Variants in ANAPC10 observed in about 807,000 individuals in gnomAD.
The protein encoded by ANAPC10 is anaphase-promoting complex subunit 10.
A neutral mutation model predicts 22.0 loss-of-function variants in ANAPC10; 12 were observed. The ratio of observed to expected loss-of-function variants is 0.55; its 90% confidence interval spans 0.35 to 0.88. The LOEUF (loss-of-function observed/expected upper bound fraction) is 0.88, where lower values mean the gene tolerates loss of function less well. Among genes scored for constraint, ANAPC10 ranks in the 40% least tolerant of loss-of-function variants. The probability of loss-of-function intolerance (pLI) is 0.01; values close to 1 mark genes in which losing one functional copy is unlikely to be tolerated. For synonymous variants in ANAPC10, 65 were observed against 69.5 expected (o/e 0.94, Z 0.32); for missense variants, 188 against 220.9 (o/e 0.85, Z 0.94).
At chr4:145,079,879 C>T (rs1342905736) in intron 3 of ANAPC10, among the ~76,000 whole-genome samples, 2 of 152,058 alleles carry the variant, frequency 1.3e-5, no homozygotes, top group East Asian at 1.9e-4. Flanking sequence ...TTTGGGAGGC[C>T]GAGGCGGCTA....
At chr4:145,005,105 TTTTC>T (rs1447394768) in intron 4 of ANAPC10, among the ~76,000 whole-genome samples, 1 of 152,166 alleles carries the variant, frequency 6.6e-6, no homozygotes, top group Non-Finnish European at 1.5e-5. Flanking sequence ...TTCTTTTTCC[TTTTC>T]TTTTTTTGAA....
At chr4:145,039,130 G>A (rs986600030) in intron 4 of ANAPC10, among the ~76,000 whole-genome samples, 6 of 146,870 alleles carry the variant, frequency 4.1e-5, no homozygotes, top group African/African-American at 1.5e-4. Context: ...GAGAAAAATA[G>A]GTCACATGCA....
intron 2 of ANAPC10, among the ~76,000 whole-genome samples, chr4:145,095,083 G>A: frequency 6.6e-6 from 1 of 152,130 alleles, no homozygotes; most frequent in East Asian, 1.9e-4. Flanking sequence ...CTAGGGAATA[G>A]TAAAGAAATT....
chr4:145,016,575 A>C (rs200201430), intron 4 of ANAPC10, among the ~76,000 whole-genome samples: 101 of 152,296 alleles, frequency 6.6e-4, no homozygotes, highest in South Asian at 4.4e-3. Flanking sequence ...AATGCCATCC[A>C]CATCAAGCTA....
intron 4 of ANAPC10, among the ~76,000 whole-genome samples, chr4:145,019,684 A>G (rs1174455005): frequency 6.6e-6 from 1 of 152,184 alleles, no homozygotes; most frequent in African/African-American, 2.4e-5. Context: ...CTGATAGACC[A>G]TTAGCAAGAT....
chr4:145,001,579 G>A (rs1300276100), intron 4 of ANAPC10, among the ~76,000 whole-genome samples: 3 of 152,130 alleles, frequency 2.0e-5, no homozygotes, highest in Non-Finnish European at 2.9e-5. Flanking sequence ...CTAACATTAG[G>A]AGAAGTTATG....
At chr4:145,043,546 C>T (rs1232918886) in intron 4 of ANAPC10, among the ~76,000 whole-genome samples, 3 of 152,072 alleles carry the variant, frequency 2.0e-5, no homozygotes, top group Non-Finnish European at 4.4e-5. Flanking sequence ...CAAACACATG[C>T]ACTGAGCTGT....
chr4:144,994,815 A>G lies in ANAPC10; in HGVS notation c.*558T>C, dbSNP rs1321738844. On this transcript the variant is annotated 3_prime_UTR_variant, in exon 5 of 5. Coordinates refer to ENST00000507656, the MANE Select transcript of ANAPC10 (RefSeq NM_001256706.2). ...TATTCCGTGAAGGTGAATATGAGAC[A>G]ATTAATTATACTCCCCATATTAGAT... 6.6e-6 allele frequency: 1 copy of G among 152,266 alleles called. No homozygotes were observed. Among genetic ancestry groups the G allele is most frequent in the Non-Finnish European group, 1.5e-5 (1 of 68,104 alleles). 9.4% of individuals were successfully genotyped at this position (152,266 alleles called of 1,614,324 possible).
At chr4:145,036,995 CGTGTGTGTGTGTGTGTGTGTGTGTGT>C (rs202100756) in intron 4 of ANAPC10, among the ~76,000 whole-genome samples, 1 of 131,122 alleles carries the variant, frequency 7.6e-6, no homozygotes, top group African/African-American at 2.9e-5. Context: ...AAATAGATAA[CGTGTGTGTGTGTGTGTGTGTGTGTGT>C]GTGTGTGTGT....
intron 2 of ANAPC10, among the ~76,000 whole-genome samples, chr4:145,091,703 G>A (rs1747709009): frequency 6.6e-6 from 1 of 152,052 alleles, no homozygotes; most frequent in Non-Finnish European, 1.5e-5. Context: ...ATTCTTTTGG[G>A]TATATACCCA....
chr4:145,064,574 G>A lies in ANAPC10; in HGVS notation c.325C>T (p.Arg109Trp), dbSNP rs1251149193. 3.7e-6 allele frequency: 6 copies of A among 1,600,902 alleles called. No individual in the cohort carries two copies. The highest frequency in any genetic ancestry group is 2.2e-5 in the East Asian group (1 of 44,562). Residue 109 changes from arginine (R) to tryptophan (W), a missense_variant and splice_region_variant, in exon 4 of 5, where the codon CGG (arginine) becomes TGG (tryptophan). By Grantham distance (101) the Arg-to-Trp change is moderately radical. Coordinates refer to ENST00000507656, the MANE Select transcript of ANAPC10 (RefSeq NM_001256706.2). ...GNNFHNLQEI[R>W]QLELVEPSGW... The stretch of plus-strand genomic sequence containing the variant: ...TTTTAAAAATTTGAAAGACATACCC[G>A]AATTTCTTGAAGGTTGTGAAAATTA...
chr4:145,010,520 G>T (rs1734129614), intron 4 of ANAPC10, among the ~76,000 whole-genome samples: 1 of 152,134 alleles, frequency 6.6e-6, no homozygotes, highest in Middle Eastern at 3.2e-3. Flanking sequence ...CTTGTCCTTT[G>T]TAGGGACATG....
chr4:145,057,905 T>C (rs1742305394), intron 4 of ANAPC10, among the ~76,000 whole-genome samples: 2 of 152,132 alleles, frequency 1.3e-5, no homozygotes, highest in Non-Finnish European at 2.9e-5. Flanking sequence ...ATTTCAAATA[T>C]AGGGAACCCA....
intron 4 of ANAPC10, among the ~76,000 whole-genome samples, chr4:145,052,824 G>T (rs992087213): frequency 1.3e-5 from 2 of 149,966 alleles, no homozygotes; most frequent in Admixed American, 6.7e-5. Context: ...GGAGGCGAAG[G>T]TTGCAGTGAG....
At chr4:145,004,494 C>T (rs923343681) in intron 4 of ANAPC10, among the ~76,000 whole-genome samples, 12 of 151,978 alleles carry the variant, frequency 7.9e-5, no homozygotes, top group Non-Finnish European at 1.5e-4. Flanking sequence ...AAGATGTCTC[C>T]TATTATTTTG....
At chr4:145,053,752 G>T in intron 4 of ANAPC10, 3 of 640,748 alleles carry the variant, frequency 4.7e-6, no homozygotes, top group South Asian at 3.6e-5. Context: ...AAGATTCATT[G>T]ATTCTTCATT....
intron 4 of ANAPC10, among the ~76,000 whole-genome samples, chr4:144,996,524 C>A (rs1287547856): frequency 6.6e-6 from 1 of 152,142 alleles, no homozygotes; most frequent in Non-Finnish European, 1.5e-5. Flanking sequence ...ATGAGAAGAC[C>A]ACACTCCCCA....
intron 4 of ANAPC10, among the ~76,000 whole-genome samples, chr4:145,058,658 T>C (rs1326904829): frequency 6.6e-6 from 1 of 152,166 alleles, no homozygotes; most frequent in African/African-American, 2.4e-5. Flanking sequence ...ATCTACAGTA[T>C]AAGTTTGTGG....
At chr4:145,068,517 A>C (rs1181943283) in intron 3 of ANAPC10, among the ~76,000 whole-genome samples, 6 of 152,266 alleles carry the variant, frequency 3.9e-5, no homozygotes, top group Admixed American at 3.9e-4. Flanking sequence ...ATATATTACC[A>C]GGAGGTTGAG....
Sources: allele counts gnomAD v4.1 joint callset (sites outside exome capture counted in the v4.1 genomes callset), GRCh38; gene constraint gnomAD v4.1.1; transcripts MANE v1.5; gene names NCBI Gene and HGNC (gene_info 2026-07-23, HGNC 2026-07-21).